The following PHACTR3 variants were observed in gnomAD, a reference collection of about 807,000 sequenced individuals.
PHACTR3 encodes the protein protein phosphatase 1, regulatory subunit 123.
A neutral mutation model predicts 66.8 loss-of-function variants in PHACTR3; 16 were observed. The ratio of observed to expected loss-of-function variants is 0.24; its 90% CI spans 0.16 to 0.36. The LOEUF is 0.36. Ranked by LOEUF, PHACTR3 falls within the 10% of genes least tolerant of loss-of-function variation. PHACTR3 has a pLI of 1.00. For missense variants in PHACTR3, 647 were observed against 719.9 expected (o/e 0.90, Z 1.16); for synonymous variants, 323 against 292.1 (o/e 1.11, Z -1.08).
At chr20:59,809,165 T>C (rs73914895) in intron 8 of PHACTR3, among the ~76,000 whole-genome samples, 5,288 of 152,122 alleles carry the variant, frequency 0.035, 292 homozygotes, top group African/African-American at 0.12. Context: ...CCAAAATCCT[T>C]ACTTGAGTGT....
Position 59,806,080 on chromosome 20 carries a change from T to C in PHACTR3, c.1214T>C (p.Val405Ala). The C allele has an allele frequency of 6.2e-7, 1 of 1,614,138 alleles. No individual in the cohort carries two copies. Among genetic ancestry groups the C allele is most frequent in the African/African-American group, 1.3e-5 (1 of 75,042 alleles). Residue 405 changes from valine to alanine, a missense_variant, in exon 8 of 13, where the codon GTG becomes GCG. By Grantham distance (64) the Val-to-Ala change is moderately conservative. Coordinates refer to ENST00000371015, the MANE Select transcript of PHACTR3 (RefSeq NM_080672.5). ...AAATGCAAGAAGGAGCTCCTGGCCG[T>C]GAAGCTAAGGAACCGGCCAAGCAAA... ...PRKCKKELLA[V>A]KLRNRPSKQE...
intron 12 of PHACTR3, among the ~76,000 whole-genome samples, chr20:59,845,614 TAC>T (rs558625200): frequency 1.4e-3 from 208 of 152,306 alleles, no homozygotes; most frequent in Non-Finnish European, 2.4e-3. Context: ...TGTTTATACT[TAC>T]AGATTTTTGT....
At chr20:59,664,364 G>A (rs2035916005) in intron 1 of PHACTR3, among the ~76,000 whole-genome samples, 1 of 152,236 alleles carries the variant, frequency 6.6e-6, no homozygotes, top group Admixed American at 6.5e-5. Context: ...CCTCCAAAGT[G>A]AACCTTGGGC....
chr20:59,770,275 G>A (rs6092823), intron 5 of PHACTR3, among the ~76,000 whole-genome samples: 4,036 of 152,340 alleles, frequency 0.026, 151 homozygotes, highest in African/African-American at 0.084. Context: ...GGGTAGTTCC[G>A]AGCTATGGGT....
chr20:59,637,074 C>T (rs2034923748), intron 1 of PHACTR3, among the ~76,000 whole-genome samples: 1 of 152,252 alleles, frequency 6.6e-6, no homozygotes, highest in South Asian at 2.1e-4. Context: ...ACCTGCTCCT[C>T]AGGCTCCCTG....
At chr20:59,618,486 G>T (rs1224759879) in intron 1 of PHACTR3, among the ~76,000 whole-genome samples, 1 of 152,196 alleles carries the variant, frequency 6.6e-6, no homozygotes, top group African/African-American at 2.4e-5. Flanking sequence ...CAGATGGTGG[G>T]GCCTGGGCTG....
chr20:59,804,587 C>A (rs1022371843), intron 7 of PHACTR3, among the ~76,000 whole-genome samples: 1 of 152,156 alleles, frequency 6.6e-6, no homozygotes, highest in African/African-American at 2.4e-5. Flanking sequence ...GCAGTAAAGG[C>A]CAACTGAAAA....
At chr20:59,776,619 G>A (rs2040547208) in intron 7 of PHACTR3, among the ~76,000 whole-genome samples, 2 of 152,218 alleles carry the variant, frequency 1.3e-5, no homozygotes, top group African/African-American at 4.8e-5. Flanking sequence ...CAGATGCAGT[G>A]TCCTCACGCC....
In PHACTR3 at chr20:59,705,145, C is replaced by T. The variant is rs1323436850; in HGVS notation, c.119-37962C>T. Among the ~76,000 whole-genome samples the T allele has an allele frequency of 6.6e-5, 10 of 151,902 alleles. No homozygotes were observed. In the East Asian group the frequency reaches 1.9e-3, roughly 29 times the overall value. On this transcript the variant is annotated intron_variant, in intron 1 of 12. Transcript: ENST00000371015. ...CTAATTTTTGTATTTTTGGTAGACA[C>T]GAGGTTTTGCCATGTTGCCCAGGCT... is the stretch of plus-strand genomic sequence containing the variant.
At chr20:59,592,012 A>G (rs191977305) in intron 1 of PHACTR3, among the ~76,000 whole-genome samples, 53 of 152,212 alleles carry the variant, frequency 3.5e-4, no homozygotes, top group Admixed American at 1.0e-3. Flanking sequence ...AAGTCTACAT[A>G]AAACTTTTGT....
At chr20:59,681,836 C>A (rs1272167812) in intron 1 of PHACTR3, among the ~76,000 whole-genome samples, 1 of 151,930 alleles carries the variant, frequency 6.6e-6, no homozygotes, top group Non-Finnish European at 1.5e-5. Context: ...CATGGTGAAA[C>A]CCTGTCTCTA....
intron 1 of PHACTR3, among the ~76,000 whole-genome samples, chr20:59,633,611 C>T (rs1021178863): frequency 3.3e-5 from 5 of 152,112 alleles, no homozygotes; most frequent in East Asian, 3.8e-4. Context: ...ATATGTATCC[C>T]GCTTTTCTTT....
chr20:59,594,337 GTTT>G (rs77578962), intron 1 of PHACTR3, among the ~76,000 whole-genome samples: 2 of 146,730 alleles, frequency 1.4e-5, no homozygotes, highest in African/African-American at 5.0e-5. Context: ...TTTTGGTCGA[GTTT>G]TTTTTTTTTT....
At chr20:59,590,662 T>G (rs6070855) in intron 1 of PHACTR3, among the ~76,000 whole-genome samples, 4,152 of 152,302 alleles carry the variant, frequency 0.027, 198 homozygotes, top group East Asian at 0.21. Context: ...TGTCTTAGAC[T>G]TTTTGGGCTA....
At chr20:59,792,082 G>A (rs2041120836) in intron 7 of PHACTR3, among the ~76,000 whole-genome samples, 1 of 152,146 alleles carries the variant, frequency 6.6e-6, no homozygotes, top group Non-Finnish European at 1.5e-5. Context: ...ACTAGTCTTA[G>A]AGCCAGGCAC....
intron 1 of PHACTR3, among the ~76,000 whole-genome samples, chr20:59,610,531 A>G (rs1163236650): frequency 6.6e-6 from 1 of 152,272 alleles, no homozygotes; most frequent in Non-Finnish European, 1.5e-5. Flanking sequence ...TGTCCAATAC[A>G]GTAGCCACTA....
chr20:59,744,193 G>A (rs1320577342), intron 2 of PHACTR3, among the ~76,000 whole-genome samples: 1 of 152,248 alleles, frequency 6.6e-6, no homozygotes, highest in African/African-American at 2.4e-5. Context: ...TGCCCCATCG[G>A]AAGGGATGGG....
intron 7 of PHACTR3, among the ~76,000 whole-genome samples, chr20:59,803,144 T>C (rs2041466784): frequency 6.6e-6 from 1 of 152,198 alleles, no homozygotes; most frequent in Admixed American, 6.5e-5. Flanking sequence ...GCCAGGCAGC[T>C]GGTCTTCACT....
intron 1 of PHACTR3, among the ~76,000 whole-genome samples, chr20:59,646,103 C>T (rs1262699404): frequency 6.6e-6 from 1 of 152,200 alleles, no homozygotes; most frequent in Non-Finnish European, 1.5e-5. Context: ...GTCAGTCATT[C>T]AGCCTCCAGC....
Sources: allele counts gnomAD v4.1 joint callset (sites outside exome capture counted in the v4.1 genomes callset), GRCh38; gene constraint gnomAD v4.1.1; transcripts MANE v1.5; gene names NCBI Gene and HGNC (gene_info 2026-07-23, HGNC 2026-07-21).